HPCAL1: variants seen among roughly 807,000 people sequenced by gnomAD.
The protein encoded by HPCAL1 is hippocalcin-like protein 1.
A neutral mutation model predicts 17.1 loss-of-function variants in HPCAL1; 8 were observed. The observed-to-expected ratio is 0.47, with a 90% CI of 0.27 to 0.84. The LOEUF is 0.84. Among genes scored for constraint, HPCAL1 ranks in the 40% least tolerant of loss-of-function variants. The pLI is 0.13. For synonymous variants in HPCAL1, 112 were observed against 111.4 expected, an observed-to-expected ratio of 1.01 and a Z score of -0.03; for missense variants, 165 against 271.1, an observed-to-expected ratio of 0.61 and a Z score of 2.75.
At chr2:10,314,573 C>T (rs1663188900) in intron 1 of HPCAL1, among the ~76,000 whole-genome samples, 1 of 152,118 alleles carries the variant, frequency 6.6e-6, no homozygotes, top group Non-Finnish European at 1.5e-5. Flanking sequence ...TTACTGTTCC[C>T]TTAAGAGGAT....
chr2:10,348,505 T>C (rs1665613129), intron 1 of HPCAL1, among the ~76,000 whole-genome samples: 1 of 151,896 alleles, frequency 6.6e-6, no homozygotes, highest in South Asian at 2.1e-4. Context: ...GGTTCACACC[T>C]GTAATCCCAG....
chr2:10,320,921 T>C (rs1362936469), intron 1 of HPCAL1, among the ~76,000 whole-genome samples: 1 of 152,114 alleles, frequency 6.6e-6, no homozygotes, highest in East Asian at 1.9e-4. Flanking sequence ...ACTTAGAAGG[T>C]GATGAGACTG....
At chr2:10,369,051 TGAG>T (rs1395114087) in intron 1 of HPCAL1, 1 of 152,138 alleles carries the variant, frequency 6.6e-6, no homozygotes, top group Non-Finnish European at 1.5e-5. Context: ...GGGGGAAGCC[TGAG>T]GACTCACGGT....
At position 10,355,712 on chromosome 2, in the gene HPCAL1, A is replaced by G. The variant is rs185037382; in HGVS notation, c.-110-41123A>G. On this transcript the variant is annotated intron_variant, in intron 1 of 4. Transcript: ENST00000307845. ...GTTCTTGCCCACTGTCCAGGGCTCA[A>G]GGAGATTGGGGAGCAGTTTGCAAAG... 3.3e-4 allele frequency among the ~76,000 whole-genome samples: 50 copies of G among 152,210 alleles called. 1 individual carries two copies. The highest frequency in any genetic ancestry group is 6.8e-4 in the Non-Finnish European group (46 of 68,010).
intron 1 of HPCAL1, among the ~76,000 whole-genome samples, chr2:10,325,034 T>C (rs1376411893): frequency 6.6e-6 from 1 of 151,512 alleles, no homozygotes; most frequent in Non-Finnish European, 1.5e-5. Context: ...GGTTTCTCCA[T>C]GTTGGCCAGG....
intron 1 of HPCAL1, among the ~76,000 whole-genome samples, chr2:10,378,631 C>T (rs760037574): frequency 1.3e-5 from 2 of 152,126 alleles, no homozygotes; most frequent in Non-Finnish European, 2.9e-5. Context: ...GACCTCACCG[C>T]AACCTAATTA....
intron 1 of HPCAL1, among the ~76,000 whole-genome samples, chr2:10,379,090 G>A (rs1369997795): frequency 6.6e-6 from 1 of 152,060 alleles, no homozygotes; most frequent in East Asian, 1.9e-4. Context: ...CACTTTGTGA[G>A]GCCAAGACGG....
chr2:10,387,422 C>T (rs559112218), intron 1 of HPCAL1, among the ~76,000 whole-genome samples: 1 of 152,314 alleles, frequency 6.6e-6, no homozygotes, highest in Admixed American at 6.5e-5. Context: ...TGTATTCCCC[C>T]ACCCTCTCAC....
At chr2:10,346,676 T>C (rs1406278132) in intron 1 of HPCAL1, among the ~76,000 whole-genome samples, 2 of 152,134 alleles carry the variant, frequency 1.3e-5, no homozygotes, top group Non-Finnish European at 2.9e-5. Flanking sequence ...AGGAGAGTGT[T>C]TTCCAGTAGC....
chr2:10,381,704 G>A (rs1045524533), intron 1 of HPCAL1, among the ~76,000 whole-genome samples: 1 of 152,188 alleles, frequency 6.6e-6, no homozygotes, highest in South Asian at 2.1e-4. Flanking sequence ...ACAAATGGCT[G>A]TCAGGGAATT....
intron 1 of HPCAL1, among the ~76,000 whole-genome samples, chr2:10,361,260 C>CAGAG (rs34257751): frequency 3.3e-4 from 48 of 146,382 alleles, no homozygotes; most frequent in African/African-American, 5.3e-4. Flanking sequence ...GGGTGGATCC[C>CAGAG]AGAGAGAGAG....
intron 2 of HPCAL1, among the ~76,000 whole-genome samples, chr2:10,397,837 T>C (rs776812850): frequency 6.6e-6 from 1 of 152,204 alleles, no homozygotes; most frequent in African/African-American, 2.4e-5. Context: ...TGGTTTTGTT[T>C]GTAAGCAAGG....
chr2:10,351,383 T>C (rs1164065585), intron 1 of HPCAL1, among the ~76,000 whole-genome samples: 2 of 152,206 alleles, frequency 1.3e-5, no homozygotes. Flanking sequence ...GCAGATTAGT[T>C]GTTGCCTGGG....
chr2:10,426,321 G>A (rs532187464), intron 4 of HPCAL1: 11 of 196,834 alleles, frequency 5.6e-5, no homozygotes, highest in East Asian at 2.8e-4. Flanking sequence ...GATCCGGACC[G>A]TGCTTCCGGG....
At chr2:10,309,030 T>C (rs1662794691) in intron 1 of HPCAL1, among the ~76,000 whole-genome samples, 1 of 151,372 alleles carries the variant, frequency 6.6e-6, no homozygotes, top group South Asian at 2.1e-4. Context: ...GAGACCCTGC[T>C]TCTTAACAAA....
chr2:10,371,253 C>T (rs767323453), intron 1 of HPCAL1, among the ~76,000 whole-genome samples: 129 of 152,290 alleles, frequency 8.5e-4, no homozygotes, highest in Non-Finnish European at 1.6e-3. Flanking sequence ...TGGGACTATA[C>T]ATTGTCTCCT....
At chr2:10,341,947 T>C (rs1382121916) in intron 1 of HPCAL1, among the ~76,000 whole-genome samples, 1 of 151,854 alleles carries the variant, frequency 6.6e-6, no homozygotes, top group Non-Finnish European at 1.5e-5. Context: ...CACTTGAGGA[T>C]TGCTTTGAGG....
chr2:10,424,443 G>A (rs1447063607), intron 4 of HPCAL1: 4 of 465,718 alleles, frequency 8.6e-6, no homozygotes, highest in Non-Finnish European at 1.8e-5. Context: ...ATGGGGTTGT[G>A]AGGTTTCAGC....
chr2:10,403,176 G>C (rs936020543), intron 2 of HPCAL1, among the ~76,000 whole-genome samples: 1 of 152,220 alleles, frequency 6.6e-6, no homozygotes, highest in African/African-American at 2.4e-5. Flanking sequence ...ACCAGTCCTG[G>C]CTCAGTGAGC....
Sources: gnomAD v4.1 joint callset for allele counts (sites outside exome capture counted in the v4.1 genomes callset) on GRCh38, gnomAD v4.1.1 for gene constraint, MANE v1.5 for transcripts, NCBI Gene and HGNC (gene_info 2026-07-23, HGNC 2026-07-21) for gene names.